AFF4: variants seen among roughly 807,000 people sequenced by gnomAD.
AFF4 encodes AF4/FMR2 family member 4.
Under a neutral mutation model 124.8 loss-of-function variants are expected in AFF4, and 13 were observed. The ratio of observed to expected loss-of-function variants is 0.10; its 90% CI spans 0.07 to 0.17. AFF4 has a LOEUF of 0.17. Among genes scored for constraint, AFF4 ranks in the 10% least tolerant of loss-of-function variants. AFF4 has a pLI of 1.00. For synonymous variants in AFF4, 477 were observed against 496.1 expected (o/e 0.96, Z 0.51); for missense variants, 1,092 against 1,403.8 (o/e 0.78, Z 3.55).
intron 11 of AFF4, among the ~76,000 whole-genome samples, chr5:132,895,165 A>G (rs577388789): frequency 6.6e-6 from 1 of 152,194 alleles, no homozygotes; most frequent in Non-Finnish European, 1.5e-5. Flanking sequence ...CAGCAGCCCT[A>G]AACAGCTTAC....
chr5:132,939,998 G>A (rs879614398), intron 1 of AFF4, among the ~76,000 whole-genome samples: 17 of 152,164 alleles, frequency 1.1e-4, no homozygotes, highest in Non-Finnish European at 2.4e-4. Context: ...AGGAGTTCAA[G>A]ACCAGCCTGG....
At chr5:132,917,948 C>T (rs1405301364) in intron 5 of AFF4, among the ~76,000 whole-genome samples, 12 of 150,742 alleles carry the variant, frequency 8.0e-5, no homozygotes, top group East Asian at 3.9e-4. Context: ...CTTGAACTCC[C>T]GACCTCAGGT....
intron 7 of AFF4, among the ~76,000 whole-genome samples, chr5:132,901,729 GTCTT>G (rs1391331551): frequency 6.6e-6 from 1 of 152,162 alleles, no homozygotes; most frequent in East Asian, 1.9e-4. Context: ...GAAGAATCCT[GTCTT>G]TATTTTATGA....
Position 132,934,510 on chromosome 5 carries a change from C to G in AFF4, c.555G>C (p.Gln185His). Residue 185 changes from glutamine to histidine, a missense_variant, in exon 3 of 21, where the codon CAG becomes CAC. Gln to His is a conservative substitution (Grantham distance 24, BLOSUM62 0). Coordinates refer to ENST00000265343, the MANE Select transcript of AFF4 (RefSeq NM_014423.4). Reference sequence around the variant, plus strand: ...GACTAGAGTTTAATGAAGAAACAGCCTGGGGTTTTCCAGGGCTGGAAGAAC... The same window carrying G: ...GACTAGAGTTTAATGAAGAAACAGCGTGGGGTTTTCCAGGGCTGGAAGAAC... ...KSRSSSPGKP[Q>H]AVSSLNSSHS... 1.2e-6 allele frequency: 2 copies of G among 1,614,100 alleles called. No homozygotes were observed. The highest frequency in any genetic ancestry group is 1.7e-6 in the Non-Finnish European group (2 of 1,180,034).
intron 1 of AFF4, among the ~76,000 whole-genome samples, chr5:132,946,094 G>A (rs143810636): frequency 7.1e-5 from 10 of 140,050 alleles, no homozygotes; most frequent in African/African-American, 2.9e-4. Context: ...GTAAAGTTTA[G>A]TGAAAGAAAA....
chr5:132,898,497 TTTTTTAGAC>T, intron 9 of AFF4, 105 bp from the exon 10 acceptor site: 1 of 1,244,004 alleles, frequency 8.0e-7, no homozygotes, highest in Non-Finnish European at 1.1e-6. Flanking sequence ...TGTCTTTTTT[TTTTTTAGAC>T]GGAGTCTTGC....
intron 1 of AFF4, among the ~76,000 whole-genome samples, chr5:132,951,185 C>T (rs1761835126): frequency 6.6e-6 from 1 of 151,788 alleles, no homozygotes; most frequent in African/African-American, 2.4e-5. Flanking sequence ...GATCGCCACA[C>T]TGCACTCTAG....
intron 5 of AFF4, among the ~76,000 whole-genome samples, chr5:132,912,761 G>A (rs922440330): frequency 1.3e-5 from 2 of 151,826 alleles, no homozygotes; most frequent in East Asian, 1.9e-4. Context: ...CAGATTCTAC[G>A]ACGGGAGAAA....
At chr5:132,933,795 GAA>G (rs1761355821) in intron 3 of AFF4, among the ~76,000 whole-genome samples, 1 of 151,308 alleles carries the variant, frequency 6.6e-6, no homozygotes, top group Non-Finnish European at 1.5e-5. Context: ...TCTAAGCATA[GAA>G]AAGTTAATTT....
chr5:132,948,254 T>A (rs1761747903), intron 1 of AFF4, among the ~76,000 whole-genome samples: 1 of 152,176 alleles, frequency 6.6e-6, no homozygotes, highest in African/African-American at 2.4e-5. Context: ...TTTCACCATG[T>A]TGGCCAAGAT....
At chr5:132,893,867 G>A (rs1760323829) in intron 11 of AFF4, among the ~76,000 whole-genome samples, 1 of 152,118 alleles carries the variant, frequency 6.6e-6, no homozygotes, top group South Asian at 2.1e-4. Flanking sequence ...CCAGACACTG[G>A]CAATCACATT....
intron 5 of AFF4, among the ~76,000 whole-genome samples, chr5:132,920,955 G>A (rs1761028927): frequency 1.3e-5 from 2 of 151,830 alleles, no homozygotes; most frequent in Non-Finnish European, 2.9e-5. Context: ...GTGAAATCCC[G>A]TCTCTACTAA....
intron 1 of AFF4, among the ~76,000 whole-genome samples, chr5:132,956,008 C>T (rs1053216347): frequency 5.3e-5 from 8 of 149,582 alleles, no homozygotes; most frequent in African/African-American, 2.0e-4. Flanking sequence ...ACACGTAATA[C>T]ATGTAAATAT....
chr5:132,876,948 C>A lies in AFF4; in HGVS notation c.*4111G>T, dbSNP rs143312823. ...ATTCCAAGGTATTCAATAATTATCT[C>A]TTCTATTAGTTTTACTGAATAGCAA... On this transcript the variant is annotated 3_prime_UTR_variant, in exon 21 of 21. Transcript: ENST00000265343. 1,190 of 197,574 alleles carry A rather than the reference C, an allele frequency of 6.0e-3. 12 individuals are homozygous for A. Among genetic ancestry groups the A allele is most frequent in the Non-Finnish European group, 9.6e-3 (916 of 95,424 alleles). The allele number at this position is 197,574 out of a possible 1,614,324, so 12.2% of individuals were successfully genotyped here.
chr5:132,909,981 G>C (rs767757320), intron 5 of AFF4, among the ~76,000 whole-genome samples: 1 of 152,166 alleles, frequency 6.6e-6, no homozygotes, highest in Admixed American at 6.5e-5. Flanking sequence ...GACAACTTAC[G>C]TCTAAGTGTG....
intron 6 of AFF4, chr5:132,904,025 G>A (rs1019101388): frequency 1.1e-5 from 2 of 182,432 alleles, no homozygotes; most frequent in South Asian, 1.2e-4. Context: ...GGGAGGCGAG[G>A]CAGGTGGATC....
intron 5 of AFF4, among the ~76,000 whole-genome samples, chr5:132,913,052 T>A (rs1310492860): frequency 1.3e-5 from 2 of 152,152 alleles, no homozygotes; most frequent in Non-Finnish European, 2.9e-5. Context: ...AAGAAATGCA[T>A]TTTAAGTATA....
chr5:132,940,956 G>A (rs1168192995), intron 1 of AFF4, among the ~76,000 whole-genome samples: 1 of 151,980 alleles, frequency 6.6e-6, no homozygotes, highest in Non-Finnish European at 1.5e-5. Flanking sequence ...GAACTCAGGA[G>A]GCGGAGGTTG....
intron 18 of AFF4, among the ~76,000 whole-genome samples, 190 bp from the exon 19 acceptor site, chr5:132,885,309 G>C (rs915534017): frequency 6.6e-6 from 1 of 151,814 alleles, no homozygotes; most frequent in Non-Finnish European, 1.5e-5. Flanking sequence ...TATTAGGTGA[G>C]AGCTGGGTGT....
Sources: gnomAD v4.1 joint callset for allele counts (sites outside exome capture counted in the v4.1 genomes callset) on GRCh38, gnomAD v4.1.1 for gene constraint, MANE v1.5 for transcripts, NCBI Gene and HGNC (gene_info 2026-07-23, HGNC 2026-07-21) for gene names.